FHOD3: variants seen among roughly 807,000 people sequenced by gnomAD.
The protein encoded by FHOD3 is FH1/FH2 domain-containing protein 3.
In FHOD3, 90 loss-of-function variants were observed where a neutral mutation model predicts 173.0. The observed-to-expected ratio is 0.52, with a 90% CI of 0.44 to 0.62. The LOEUF (loss-of-function observed/expected upper bound fraction) is 0.62, where lower values mean the gene tolerates loss of function less well. Ranked by LOEUF, FHOD3 falls within the 20% of genes least tolerant of loss-of-function variation. FHOD3 has a pLI of 0.00. For missense variants in FHOD3, 1,945 were observed against 2,034.7 expected (o/e 0.96, Z 0.85); for synonymous variants, 828 against 823.0 (o/e 1.01, Z -0.10).
At chr18:36,709,712 C>T in intron 18 of FHOD3, 1 of 322,418 alleles carries the variant, frequency 3.1e-6, no homozygotes, top group African/African-American at 2.1e-5. Flanking sequence ...TCTCACTTCC[C>T]CCTGACTGTT....
rs1004797578 is a variant in FHOD3 at position 36,461,665 on chromosome 18, A to G, written c.338-40267A>G. Among the ~76,000 whole-genome samples, 14 of 152,290 alleles carry G rather than the reference A, an allele frequency of 9.2e-5. 1 individual carries two copies. The highest frequency in any genetic ancestry group is 3.4e-4 in the African/African-American group (14 of 41,564). On this transcript the variant is annotated intron_variant, in intron 3 of 28. Coordinates refer to ENST00000590592, the MANE Select transcript of FHOD3 (RefSeq NM_001281740.3). Reference sequence around the variant, plus strand: ...GGGCTAGCCTGGGAATGCATCCAACATAGGCAACATTGCTTTCATAGGGAA... The same window carrying G: ...GGGCTAGCCTGGGAATGCATCCAACGTAGGCAACATTGCTTTCATAGGGAA...
In FHOD3 at chr18:36,374,761, T is replaced by C. The variant is rs1051802908; in HGVS notation, c.337+2017T>C. On this transcript the variant is annotated intron_variant, in intron 3 of 28. Transcript: ENST00000590592. ...GGTAGATCCTTATTCAGAGAACTATTTGTGCCTCATCACAGGTAGACCGGC... is the reference window on the plus strand; with the variant it reads ...GGTAGATCCTTATTCAGAGAACTATCTGTGCCTCATCACAGGTAGACCGGC... 2.0e-5 allele frequency among the ~76,000 whole-genome samples: 3 copies of C among 152,346 alleles called. No individual in the cohort carries two copies. The East Asian group carries it at 5.8e-4, about 29-fold the overall frequency.
intron 13 of FHOD3, 115 bp from the exon 14 acceptor site, chr18:36,657,960 C>G: frequency 1.4e-6 from 1 of 699,226 alleles, no homozygotes; most frequent in Admixed American, 2.8e-5. Flanking sequence ...ACAGTGGTAG[C>G]ATTTCCAGAC....
intron 1 of FHOD3, among the ~76,000 whole-genome samples, chr18:36,338,020 C>A (rs1367595437): frequency 6.6e-6 from 1 of 152,154 alleles, no homozygotes; most frequent in Admixed American, 6.5e-5. Context: ...TAAACCAGGG[C>A]TGTCTGGTCA....
intron 3 of FHOD3, among the ~76,000 whole-genome samples, chr18:36,428,605 TGTC>T (rs2050376935): frequency 1.3e-5 from 2 of 152,230 alleles, no homozygotes; most frequent in African/African-American, 4.8e-5. Context: ...TGTGTCTGTC[TGTC>T]TGTCTGCCTG....
At chr18:36,452,006 C>T (rs2051880876) in intron 3 of FHOD3, among the ~76,000 whole-genome samples, 1 of 152,096 alleles carries the variant, frequency 6.6e-6, no homozygotes, top group Non-Finnish European at 1.5e-5. Flanking sequence ...CTTTGCCCTC[C>T]ACAAGCAGCA....
chr18:36,501,909 A>G, intron 3 of FHOD3, 23 bp from the exon 4 acceptor site: 1 of 1,518,990 alleles, frequency 6.6e-7, no homozygotes, highest in Non-Finnish European at 9.0e-7. Context: ...TAATTAATTT[A>G]TATGTTTTAT....
chr18:36,571,333 A>C (rs1455000301), intron 5 of FHOD3, among the ~76,000 whole-genome samples: 1 of 152,230 alleles, frequency 6.6e-6, no homozygotes, highest in Non-Finnish European at 1.5e-5. Flanking sequence ...ACAAACATAT[A>C]TTGCATCTAT....
At chr18:36,773,030 C>T (rs1260607796) in intron 28 of FHOD3, among the ~76,000 whole-genome samples, 1 of 152,250 alleles carries the variant, frequency 6.6e-6, no homozygotes, top group African/African-American at 2.4e-5. Flanking sequence ...GGTGGACAGT[C>T]ACTGCCTTTT....
intron 1 of FHOD3, among the ~76,000 whole-genome samples, chr18:36,313,526 C>T (rs1482892192): frequency 7.2e-5 from 11 of 152,252 alleles, no homozygotes; most frequent in African/African-American, 1.9e-4. Context: ...AGAATCATTT[C>T]GTGTGTAGCC....
intron 5 of FHOD3, among the ~76,000 whole-genome samples, chr18:36,515,079 G>C (rs1253791042): frequency 6.6e-6 from 1 of 152,162 alleles, no homozygotes. Flanking sequence ...CTTGTGCATG[G>C]GCAGGTTAAA....
intron 3 of FHOD3, among the ~76,000 whole-genome samples, chr18:36,426,319 G>T (rs1467760238): frequency 2.0e-5 from 3 of 152,176 alleles, no homozygotes; most frequent in Admixed American, 6.5e-5. Context: ...CTTAATGGGG[G>T]TGATACAGCT....
chr18:36,347,463 T>C (rs1011793303), intron 1 of FHOD3, among the ~76,000 whole-genome samples: 3 of 152,334 alleles, frequency 2.0e-5, no homozygotes, highest in Admixed American at 6.5e-5. Flanking sequence ...AATAGAAATC[T>C]TGGGCTTATT....
At chr18:36,533,607 C>T (rs2056874865) in intron 5 of FHOD3, among the ~76,000 whole-genome samples, 2 of 152,140 alleles carry the variant, frequency 1.3e-5, no homozygotes, top group Non-Finnish European at 1.5e-5. Flanking sequence ...CGATGAGCTT[C>T]GTAAGGATCA....
chr18:36,733,366 A>G (rs2041469575), intron 20 of FHOD3, among the ~76,000 whole-genome samples: 1 of 152,318 alleles, frequency 6.6e-6, no homozygotes, highest in African/African-American at 2.4e-5. Flanking sequence ...TCCTATTTAC[A>G]CAACAAGGTC....
At chr18:36,556,679 CTGTT>C (rs1444973458) in intron 5 of FHOD3, among the ~76,000 whole-genome samples, 8 of 152,262 alleles carry the variant, frequency 5.3e-5, no homozygotes, top group Middle Eastern at 3.4e-3. Context: ...TGTTATTTTT[CTGTT>C]TAAGTAGCCA....
In FHOD3 at chr18:36,340,346, C is replaced by T. The variant is rs574254667; in HGVS notation, c.166-15193C>T. ...AGGATAATAATAAATAAGCAGGATA[C>T]GCTTGGGACCCGCTGTGTGCTCTGT... On this transcript the variant is annotated intron_variant, in intron 1 of 28. Transcript: ENST00000590592. Among the ~76,000 whole-genome samples, 4 of 152,282 alleles carry T rather than the reference C, an allele frequency of 2.6e-5. No individual in the cohort carries two copies. The South Asian group carries it at 8.3e-4, about 32-fold the overall frequency.
At chr18:36,584,197 A>G (rs775830847) in intron 6 of FHOD3, among the ~76,000 whole-genome samples, 2 of 152,022 alleles carry the variant, frequency 1.3e-5, no homozygotes, top group African/African-American at 4.8e-5. Flanking sequence ...ATGATAGTCC[A>G]TTGCTGGCCT....
At chr18:36,590,257 T>A (rs183797256) in intron 6 of FHOD3, among the ~76,000 whole-genome samples, 1 of 152,310 alleles carries the variant, frequency 6.6e-6, no homozygotes, top group Admixed American at 6.5e-5. Context: ...ATGAGCAGTG[T>A]CTTTGGACTT....
Sources: gnomAD v4.1 joint callset for allele counts (sites outside exome capture counted in the v4.1 genomes callset) on GRCh38, gnomAD v4.1.1 for gene constraint, MANE v1.5 for transcripts, NCBI Gene and HGNC (gene_info 2026-07-23, HGNC 2026-07-21) for gene names.